Variants in PRKN observed in about 807,000 individuals in gnomAD.
PRKN encodes parkin RBR E3 ubiquitin protein ligase.
Under a neutral mutation model 59.5 loss-of-function variants are expected in PRKN, and 56 were observed. The observed-to-expected ratio is 0.94, with a 90% CI of 0.76 to 1.18. The LOEUF (loss-of-function observed/expected upper bound fraction) is 1.18, where lower values mean the gene tolerates loss of function less well. PRKN is among the 50% of genes most tolerant of loss of function. The pLI is 0.00. For missense variants in PRKN, 657 were observed against 596.4 expected, an observed-to-expected ratio of 1.10 and a Z score of -1.06; for synonymous variants, 250 against 222.1, an observed-to-expected ratio of 1.13 and a Z score of -1.12.
intron 1 of PRKN, among the ~76,000 whole-genome samples, chr6:162,530,066 G>A (rs1778447811): frequency 6.6e-6 from 1 of 151,708 alleles, no homozygotes. Context: ...GGAGGTGGAG[G>A]TTGCAGTGAG....
At chr6:162,617,459 C>T (rs3132816) in intron 1 of PRKN, among the ~76,000 whole-genome samples, 93,154 of 151,986 alleles carry the variant, frequency 0.61, 29,264 homozygotes, top group African/African-American at 0.75. Flanking sequence ...CTTGAACTCC[C>T]GACCTCAAGT....
At position 161,859,754 on chromosome 6, in the gene PRKN, C is replaced by T. The variant is rs1177550380; in HGVS notation, c.735-73846G>A. On this transcript the variant is annotated intron_variant, in intron 6 of 11. Transcript: ENST00000366898. ...TATTCAGTGGGATTCCGTCTTCTTG[C>T]ATGTCTAATGGTGTTAGAAGGCCTG... Among the ~76,000 whole-genome samples the T allele has an allele frequency of 2.6e-5, 4 of 152,100 alleles. No homozygotes were observed. The South Asian group carries it at 8.3e-4, about 32-fold the overall frequency.
chr6:161,432,532 A>AT (rs767620173), intron 9 of PRKN, among the ~76,000 whole-genome samples: 9,515 of 125,472 alleles, frequency 0.076, 408 homozygotes, highest in African/African-American at 0.092. Flanking sequence ...TGCCCAGCTA[A>AT]TTTTTTTTTT....
rs1271457098 is a variant in PRKN, at chr6:161,489,625, A to AT, written c.1083+59228dup. On this transcript the variant is annotated intron_variant, in intron 9 of 11. Transcript: ENST00000366898. ...ATATTTAAAAATGATGTATGTAATAATTTTTTTTTGCTATACTTGGAACTT... is the reference window on the plus strand; with the variant it reads ...ATATTTAAAAATGATGTATGTAATAATTTTTTTTTTGCTATACTTGGAACTT... 1.7e-3 allele frequency among the ~76,000 whole-genome samples: 248 copies of AT among 148,154 alleles called. 1 individual carries two copies. Among genetic ancestry groups the AT allele is most frequent in the Middle Eastern group, 3.4e-3 (1 of 292 alleles).
intron 2 of PRKN, among the ~76,000 whole-genome samples, chr6:162,282,075 C>T (rs1042500629): frequency 6.6e-6 from 1 of 152,192 alleles, no homozygotes; most frequent in Non-Finnish European, 1.5e-5. Flanking sequence ...CCCATACTCA[C>T]CCCCTGCTGT....
chr6:162,433,514 T>A (rs891934537), intron 2 of PRKN, among the ~76,000 whole-genome samples: 3 of 152,094 alleles, frequency 2.0e-5, no homozygotes, highest in Non-Finnish European at 4.4e-5. Context: ...GAAAAAAACA[T>A]ATAAAAAGTT....
rs1407864803 is a variant in PRKN at position 161,546,163 on chromosome 6, A to G, written c.1083+2691T>C. ...ATATTCATTAAGCTTTTGATTAAAT[A>G]TTAAATAAATCTGCACTTAACTCTG... On this transcript the variant is annotated intron_variant, in intron 9 of 11. Coordinates refer to ENST00000366898, the MANE Select transcript of PRKN (RefSeq NM_004562.3). This position sits in a 1 kb window ranked among gnomAD's most constrained non-coding sequence, Gnocchi z 4.4. Among the ~76,000 whole-genome samples, 2 of 152,228 alleles carry G rather than the reference A, an allele frequency of 1.3e-5. No individual in the cohort carries two copies. The highest frequency in any genetic ancestry group is 2.9e-5 in the Non-Finnish European group (2 of 68,034).
Position 161,503,168 on chromosome 6 carries a change from A to G in PRKN, c.1083+45686T>C, listed in dbSNP as rs1480601334. 6.6e-6 allele frequency among the ~76,000 whole-genome samples: 1 copy of G among 152,066 alleles called. No individual in the cohort carries two copies. The highest frequency in any genetic ancestry group is 6.6e-5 in the Admixed American group (1 of 15,252). ...AACTGATCTCCCATGTAGAGGGAGG[A>G]GATGGGATCTGGAAGGCCTGGGTGC... On this transcript the variant is annotated intron_variant, in intron 9 of 11. Coordinates refer to ENST00000366898, the MANE Select transcript of PRKN (RefSeq NM_004562.3). The surrounding 1 kb of genome is among the most constrained non-coding windows in gnomAD (Gnocchi z 5.1).
intron 7 of PRKN, among the ~76,000 whole-genome samples, chr6:161,689,375 A>AAC (rs1401184128): frequency 6.6e-6 from 1 of 152,202 alleles, no homozygotes; most frequent in Non-Finnish European, 1.5e-5. Context: ...GATTAACCTT[A>AAC]ACACACACAA....
intron 1 of PRKN, among the ~76,000 whole-genome samples, chr6:162,587,300 T>A (rs1257758823): frequency 6.6e-6 from 1 of 152,106 alleles, no homozygotes; most frequent in Non-Finnish European, 1.5e-5. Flanking sequence ...CACATTCAGC[T>A]AATTTTTGTG....
At chr6:162,682,529 A>ACTTCCT (rs1234660356) in intron 1 of PRKN, among the ~76,000 whole-genome samples, 2 of 152,190 alleles carry the variant, frequency 1.3e-5, no homozygotes, top group African/African-American at 4.8e-5. Context: ...ACATGTTTTC[A>ACTTCCT]CTTATAAGAG....
At chr6:162,030,508 CCTT>C (rs1053568104) in intron 5 of PRKN, among the ~76,000 whole-genome samples, 16 of 152,174 alleles carry the variant, frequency 1.1e-4, no homozygotes, top group African/African-American at 3.9e-4. Context: ...TGGAATCAAG[CCTT>C]CTTTTTACCC....
At chr6:162,563,543 A>G (rs12196897) in intron 1 of PRKN, among the ~76,000 whole-genome samples, 46,629 of 152,030 alleles carry the variant, frequency 0.31, 7,607 homozygotes, top group East Asian at 0.49. Context: ...TCTGAGAAAG[A>G]TGGCTACAAA....
At chr6:162,222,278 A>C (rs1777970184) in intron 3 of PRKN, among the ~76,000 whole-genome samples, 1 of 152,178 alleles carries the variant, frequency 6.6e-6, no homozygotes, top group African/African-American at 2.4e-5. Flanking sequence ...TAGATGTGCA[A>C]AAGGTCAGAA....
chr6:162,018,085 G>A (rs1782995617), intron 5 of PRKN, among the ~76,000 whole-genome samples: 1 of 152,132 alleles, frequency 6.6e-6, no homozygotes, highest in Non-Finnish European at 1.5e-5. Context: ...GGAGTGCAGT[G>A]ACATGATCTC....
At chr6:162,285,354 T>C (rs1403336761) in intron 2 of PRKN, among the ~76,000 whole-genome samples, 2 of 150,998 alleles carry the variant, frequency 1.3e-5, no homozygotes, top group Non-Finnish European at 2.9e-5. Flanking sequence ...AGTACCTCCT[T>C]TATGACAGAT....
intron 6 of PRKN, among the ~76,000 whole-genome samples, chr6:161,897,999 TAGAAAAGGTTTTTCTC>T (rs1777722487): frequency 7.2e-6 from 1 of 139,062 alleles, no homozygotes; most frequent in Non-Finnish European, 1.6e-5. Flanking sequence ...CCCAGTTGCA[TAGAAAAGGTTTTTCTC>T]ATCTGCTACA....
chr6:162,706,236 T>C (rs904315741), intron 1 of PRKN, among the ~76,000 whole-genome samples: 4 of 152,090 alleles, frequency 2.6e-5, no homozygotes, highest in Non-Finnish European at 5.9e-5. Flanking sequence ...GGAACTCTTT[T>C]CCTCTATTAG....
At chr6:161,519,987 A>G (rs1271193035) in intron 9 of PRKN, among the ~76,000 whole-genome samples, 4 of 152,170 alleles carry the variant, frequency 2.6e-5, no homozygotes, top group African/African-American at 9.7e-5. Flanking sequence ...AAAGGGAGGA[A>G]GTGTATTAAT....
Sources: gnomAD v4.1 joint callset for allele counts (sites outside exome capture counted in the v4.1 genomes callset) on GRCh38, gnomAD v4.1.1 for gene constraint, Gnocchi (gnomAD v3.1) non-coding constraint, MANE v1.5 for transcripts, NCBI Gene and HGNC (gene_info 2026-07-23, HGNC 2026-07-21) for gene names.